EFCAB6: variants seen among roughly 807,000 people sequenced by gnomAD.
EFCAB6 encodes EF-hand calcium binding domain 6.
EFCAB6 carries 156 observed loss-of-function variants against 169.8 expected under a neutral mutation model. The observed-to-expected ratio is 0.92, with a 90% CI of 0.81 to 1.05. EFCAB6 has a LOEUF of 1.05. Ranked by LOEUF, EFCAB6 falls within the 50% of genes least tolerant of loss-of-function variation. EFCAB6 has a pLI of 0.00. For missense variants in EFCAB6, 1,800 were observed against 1,829.1 expected (o/e 0.98, Z 0.29); for synonymous variants, 698 against 676.4 (o/e 1.03, Z -0.50).
chr22:43,684,177 G>A (rs910487086), intron 11 of EFCAB6, among the ~76,000 whole-genome samples: 1 of 152,198 alleles, frequency 6.6e-6, no homozygotes, highest in Non-Finnish European at 1.5e-5. Context: ...TGAGACCTCA[G>A]TGGCTGGGAA....
chr22:43,531,158 T>C (rs994660547), intron 30 of EFCAB6, among the ~76,000 whole-genome samples, 194 bp from the exon 31 acceptor site: 1 of 152,198 alleles, frequency 6.6e-6, no homozygotes, highest in African/African-American at 2.4e-5. Context: ...CTGACCATTG[T>C]GTGGGCTGTT....
chr22:43,770,421 G>A (rs139564453), intron 4 of EFCAB6, among the ~76,000 whole-genome samples: 42 of 152,342 alleles, frequency 2.8e-4, no homozygotes, highest in African/African-American at 9.4e-4. Context: ...GGTCAACCTT[G>A]AGGTGACTAA....
At chr22:43,791,767 T>C (rs1250949394) in intron 2 of EFCAB6, among the ~76,000 whole-genome samples, 3 of 151,558 alleles carry the variant, frequency 2.0e-5, no homozygotes, top group Non-Finnish European at 2.9e-5. Context: ...TGACAGTAAA[T>C]AGAGACAGCA....
chr22:43,656,716 T>C (rs2056763744), intron 17 of EFCAB6, among the ~76,000 whole-genome samples: 1 of 151,840 alleles, frequency 6.6e-6, no homozygotes, highest in African/African-American at 2.4e-5. Flanking sequence ...CTATAGCACC[T>C]AGGTTTGTTG....
chr22:43,785,168 C>T (rs1383090087), intron 2 of EFCAB6, among the ~76,000 whole-genome samples: 2 of 152,144 alleles, frequency 1.3e-5, no homozygotes. Context: ...AACACCACCA[C>T]AAACCAACTA....
Position 43,534,704 on chromosome 22 carries a change from T to G in EFCAB6, c.4217A>C (p.Gln1406Pro). The change falls in exon 30 of 32, where the codon CAG becomes CCG. Residue 1406 changes from glutamine (Q) to proline (P), a missense_variant. Physicochemically the swap from Gln to Pro is moderately conservative, Grantham distance 76. Transcript: ENST00000262726. ...GCAACATACCATCTTGTGTGCATTC[T>G]GGATCTTCATCCTGTGCATCAGTGA... ...ESSLMHRMKIQNAHKMKEAGA... is the reference protein window; with the variant it reads ...ESSLMHRMKIPNAHKMKEAGA... 1 of 1,608,812 alleles carries G rather than the reference T, an allele frequency of 6.2e-7. No individual in the cohort carries two copies. Among genetic ancestry groups the G allele is most frequent in the Non-Finnish European group, 8.5e-7 (1 of 1,178,018 alleles).
chr22:43,644,725 G>C (rs189298536), intron 17 of EFCAB6, among the ~76,000 whole-genome samples: 42 of 152,242 alleles, frequency 2.8e-4, no homozygotes, highest in African/African-American at 9.1e-4. Context: ...AAGCTGGTTT[G>C]GTTTTTGTTT....
chr22:43,772,981 A>C lies in EFCAB6; in HGVS notation c.262T>G (p.Leu88Val). The change falls in exon 4 of 32, where the codon TTG becomes GTG. Residue 88 changes from leucine (L) to valine (V), a missense_variant. By Grantham distance (32) the Leu-to-Val change is conservative (BLOSUM62 1). Coordinates refer to ENST00000262726, the MANE Select transcript of EFCAB6 (RefSeq NM_022785.4). Reference sequence around the variant, plus strand: ...CTCAGTTCACTTTTTGACACAGTCAAGTTCTGACCAGTATCCAGCAGCTGA... The same window carrying C: ...CTCAGTTCACTTTTTGACACAGTCACGTTCTGACCAGTATCCAGCAGCTGA... ...AFQLLDTGQN[L>V]TVSKSELRRI... 1.2e-6 allele frequency: 2 copies of C among 1,614,232 alleles called. No homozygotes were observed. Among genetic ancestry groups the C allele is most frequent in the Non-Finnish European group, 1.7e-6 (2 of 1,180,048 alleles).
Position 43,711,586 on chromosome 22 carries a change from C to T in EFCAB6, c.920G>A (p.Ser307Asn). Residue 307 changes from serine (S) to asparagine (N), a missense_variant, in exon 10 of 32, where the codon AGT (serine) becomes AAT (asparagine). By Grantham distance (46) the Ser-to-Asn change is conservative. Coordinates refer to ENST00000262726, the MANE Select transcript of EFCAB6 (RefSeq NM_022785.4). ...KSYEKVEKAL[S>N]AGDPCKGGYV... ...GCCACCTTTACAGGGGTCCCCTGCA[C>T]TGAGGGCCTTTTCAACCTTTTCATA... The T allele has an allele frequency of 6.3e-7, 1 of 1,593,056 alleles. No individual in the cohort carries two copies. The highest frequency in any genetic ancestry group is 1.2e-5 in the South Asian group (1 of 86,162).
At chr22:43,690,732 C>T (rs1213484926) in intron 10 of EFCAB6, among the ~76,000 whole-genome samples, 1 of 151,686 alleles carries the variant, frequency 6.6e-6, no homozygotes, top group East Asian at 2.0e-4. Flanking sequence ...TTCCAAAGAG[C>T]TGTACTCTTC....
At chr22:43,758,236 T>C (rs1225503220) in intron 5 of EFCAB6, among the ~76,000 whole-genome samples, 1 of 152,180 alleles carries the variant, frequency 6.6e-6, no homozygotes, top group Non-Finnish European at 1.5e-5. Context: ...ATTTGATCCT[T>C]TGCATTTAAT....
Position 43,590,137 on chromosome 22 carries a change from T to C in EFCAB6, c.2969A>G (p.Gln990Arg). Residue 990 changes from glutamine to arginine, a missense_variant, in exon 24 of 32, where the codon CAG becomes CGG. Transcript: ENST00000262726. ...ACATCCACATTCTTCCAGCACTTCC[T>C]GCATCTTGCATATGGATATGTAGTT... ...KTNYISICKM[Q>R]EVLEECGCSL... is the part of the protein sequence containing the mutation. The C allele has an allele frequency of 6.2e-7, 1 of 1,614,184 alleles. No individual in the cohort carries two copies. The highest frequency in any genetic ancestry group is 8.5e-7 in the Non-Finnish European group (1 of 1,180,010).
Position 43,784,718 on chromosome 22 carries a change from C to CACACAT in EFCAB6, c.-7-2394_-7-2393insATGTGT, listed in dbSNP as rs1256297031. Among the ~76,000 whole-genome samples, 74 of 112,238 alleles carry CACACAT rather than the reference C, an allele frequency of 6.6e-4. 1 individual carries two copies. Among genetic ancestry groups the CACACAT allele is most frequent in the South Asian group, 2.6e-3 (9 of 3,496 alleles). The allele number at this position is 112,238 out of a possible 152,430, so 73.6% of individuals were successfully genotyped here. A position where few individuals can be genotyped will look rare whatever the true frequency, so the allele number is the denominator to read the frequency against. On this transcript the variant is annotated intron_variant, in intron 2 of 31. Coordinates refer to ENST00000262726, the MANE Select transcript of EFCAB6 (RefSeq NM_022785.4). ...ACACACACACACACACACACACACA[C>CACACAT]ATATATATATATGCCAGGCATGGTG... is the stretch of plus-strand genomic sequence containing the variant.
intron 24 of EFCAB6, among the ~76,000 whole-genome samples, chr22:43,587,259 C>A: frequency 6.6e-6 from 1 of 152,110 alleles, no homozygotes; most frequent in Non-Finnish European, 1.5e-5. Context: ...AGCAGGAGGG[C>A]ATCTGTCCTA....
intron 2 of EFCAB6, among the ~76,000 whole-genome samples, chr22:43,784,563 ATATATGTG>A (rs2061963755): frequency 5.1e-5 from 4 of 78,406 alleles, no homozygotes; most frequent in Non-Finnish European, 7.1e-5. Context: ...ATATACACAT[ATATATGTG>A]TACATATACA....
At chr22:43,547,612 A>C in intron 27 of EFCAB6, among the ~76,000 whole-genome samples, 1 of 152,160 alleles carries the variant, frequency 6.6e-6, no homozygotes, top group South Asian at 2.1e-4. Context: ...ACAAACCATA[A>C]AAATAAGCTG....
At chr22:43,727,930 T>C (rs1275976997) in intron 8 of EFCAB6, among the ~76,000 whole-genome samples, 4 of 152,044 alleles carry the variant, frequency 2.6e-5, no homozygotes, top group Non-Finnish European at 5.9e-5. Context: ...AGTTCTAGGA[T>C]ACATGTGCAG....
At chr22:43,687,262 A>G (rs900994697) in intron 11 of EFCAB6, among the ~76,000 whole-genome samples, 4 of 152,242 alleles carry the variant, frequency 2.6e-5, no homozygotes, top group Non-Finnish European at 2.9e-5. Context: ...AGAAATTGAC[A>G]TAACAATTAT....
At chr22:43,732,360 G>A (rs1025001021) in intron 7 of EFCAB6, among the ~76,000 whole-genome samples, 6 of 152,096 alleles carry the variant, frequency 3.9e-5, no homozygotes, top group Non-Finnish European at 8.8e-5. Flanking sequence ...GGGGATGGGT[G>A]GAGGAGGCAA....
Sources: allele counts gnomAD v4.1 joint callset (sites outside exome capture counted in the v4.1 genomes callset), GRCh38; gene constraint gnomAD v4.1.1; transcripts MANE v1.5; gene names NCBI Gene and HGNC (gene_info 2026-07-23, HGNC 2026-07-21).